Variants in CRLF3 observed in about 807,000 individuals in gnomAD.
CRLF3 encodes cytokine receptor-like factor 3.
A neutral mutation model predicts 55.0 loss-of-function variants in CRLF3; 33 were observed. The ratio of observed to expected loss-of-function variants is 0.60; its 90% CI spans 0.46 to 0.80. The LOEUF (loss-of-function observed/expected upper bound fraction) is 0.80. Ranked by LOEUF, CRLF3 falls within the 30% of genes least tolerant of loss-of-function variation. CRLF3 has a pLI of 0.00. For synonymous variants in CRLF3, 238 were observed against 196.8 expected (o/e 1.21, Z -1.75); for missense variants, 494 against 538.4 (o/e 0.92, Z 0.82).
chr17:30,789,700 A>C (rs1038079138), intron 6 of CRLF3, among the ~76,000 whole-genome samples: 2 of 152,208 alleles, frequency 1.3e-5, no homozygotes, highest in South Asian at 4.1e-4. Context: ...TTACCATGAA[A>C]ATCAAATGAG....
At chr17:30,794,378 A>G (rs1197978676) in intron 4 of CRLF3, among the ~76,000 whole-genome samples, 2 of 152,158 alleles carry the variant, frequency 1.3e-5, no homozygotes, top group Non-Finnish European at 2.9e-5. Context: ...TAGCCACCCA[A>G]TAGAAAAATG....
In CRLF3 at chr17:30,783,170, C is replaced by T. The variant is rs991192735; in HGVS notation, c.*1017G>A. The T allele has an allele frequency of 6.6e-6, 1 of 152,176 alleles. No individual in the cohort carries two copies. Among genetic ancestry groups the T allele is most frequent in the Non-Finnish European group, 1.5e-5 (1 of 68,042 alleles). 9.4% of individuals were successfully genotyped at this position (152,176 alleles called of 1,614,324 possible). On this transcript the variant is annotated 3_prime_UTR_variant, in exon 8 of 8. Transcript: ENST00000324238. ...AGATTGGATACACACGTGCATATTA[C>T]ATACATATGAAATGGCTAACACTGC...
intron 1 of CRLF3, among the ~76,000 whole-genome samples, chr17:30,820,987 C>T (rs1325398020): frequency 2.0e-5 from 3 of 151,284 alleles, no homozygotes; most frequent in Non-Finnish European, 4.4e-5. Context: ...CCTAGGAAGT[C>T]GAGGCTGCAG....
In CRLF3 at chr17:30,792,499, T is replaced by C; in HGVS notation, c.900A>G (p.Ser300=). The part of the protein sequence containing the change: ...RNIALRNDSE[S]SGVLYSRAPT... ...GAGCTCTGGAGTAGAGAACACCCGA[T>C]GATTCAGAATCGTTCCGAAGTGCTA... The change falls in exon 6 of 8, where the codon TCA becomes TCG. Residue 300 remains serine (S), a synonymous_variant. Coordinates refer to ENST00000324238, the MANE Select transcript of CRLF3 (RefSeq NM_015986.4). 6.2e-7 allele frequency: 1 copy of C among 1,613,146 alleles called. No individual in the cohort carries two copies. The highest frequency in any genetic ancestry group is 8.5e-7 in the Non-Finnish European group (1 of 1,179,108).
At chr17:30,821,806 G>A (rs2142278102) in intron 1 of CRLF3, among the ~76,000 whole-genome samples, 1 of 152,200 alleles carries the variant, frequency 6.6e-6, no homozygotes, top group Admixed American at 6.6e-5. Context: ...TGGGGGTGAT[G>A]AATATATACT....
intron 2 of CRLF3, among the ~76,000 whole-genome samples, chr17:30,803,333 T>G (rs1342838245): frequency 6.6e-6 from 1 of 152,160 alleles, no homozygotes; most frequent in African/African-American, 2.4e-5. Flanking sequence ...GTTTTATAAC[T>G]AATTATAACT....
intron 6 of CRLF3, chr17:30,787,483 C>T (rs1274527185): frequency 1.3e-5 from 2 of 151,756 alleles, no homozygotes; most frequent in Non-Finnish European, 2.9e-5. Flanking sequence ...TGTACAGATC[C>T]CTATTGCCAG....
intron 2 of CRLF3, among the ~76,000 whole-genome samples, chr17:30,798,302 C>T (rs1217091309): frequency 2.0e-5 from 3 of 151,788 alleles, no homozygotes; most frequent in African/African-American, 4.8e-5. Context: ...CACTTGAATC[C>T]GGGACATGGA....
chr17:30,783,145 A>G lies in CRLF3; in HGVS notation c.*1042T>C, dbSNP rs182831527. The G allele has an allele frequency of 6.6e-6, 1 of 152,328 alleles. No individual in the cohort carries two copies. Among genetic ancestry groups the G allele is most frequent in the African/African-American group, 2.4e-5 (1 of 41,570 alleles). 9.4% of individuals were successfully genotyped at this position (152,328 alleles called of 1,614,324 possible). ...AAAGAGTAAAATGCATGTCACAGGCAGATTGGATACACACGTGCATATTAC... is the reference window on the plus strand; with the variant it reads ...AAAGAGTAAAATGCATGTCACAGGCGGATTGGATACACACGTGCATATTAC... On this transcript the variant is annotated 3_prime_UTR_variant, in exon 8 of 8. Coordinates refer to ENST00000324238, the MANE Select transcript of CRLF3 (RefSeq NM_015986.4).
At chr17:30,803,167 A>C (rs1972032824) in intron 2 of CRLF3, among the ~76,000 whole-genome samples, 1 of 148,398 alleles carries the variant, frequency 6.7e-6, no homozygotes, top group African/African-American at 2.5e-5. Flanking sequence ...CCCTGTGTCA[A>C]AAAAAAAATA....
chr17:30,803,427 C>G (rs1413997059), intron 2 of CRLF3, among the ~76,000 whole-genome samples: 7 of 152,128 alleles, frequency 4.6e-5, no homozygotes, highest in African/African-American at 1.7e-4. Flanking sequence ...TAAGAACATT[C>G]TAAGAACCCC....
chr17:30,808,723 G>A (rs1359047317), intron 1 of CRLF3, among the ~76,000 whole-genome samples: 1 of 151,938 alleles, frequency 6.6e-6, no homozygotes, highest in Non-Finnish European at 1.5e-5. Flanking sequence ...CCCCCTAGTA[G>A]CTGGGATTAC....
chr17:30,789,053 A>G (rs975356969), intron 6 of CRLF3, among the ~76,000 whole-genome samples: 1 of 152,084 alleles, frequency 6.6e-6, no homozygotes, highest in Non-Finnish European at 1.5e-5. Flanking sequence ...TTGCATTCAC[A>G]TCTCTGGCTT....
Position 30,805,845 on chromosome 17 carries a change from A to C in CRLF3, c.130-1737T>G, listed in dbSNP as rs118070708. Reference sequence around the variant, plus strand: ...TGAAACCAGCTTGGATAACATGGAGAAATCCTGTCTTTACAAATAATACAA... The same window carrying C: ...TGAAACCAGCTTGGATAACATGGAGCAATCCTGTCTTTACAAATAATACAA... On this transcript the variant is annotated intron_variant, in intron 1 of 7. Transcript: ENST00000324238. Among the ~76,000 whole-genome samples, 1,163 of 152,118 alleles carry C rather than the reference A, an allele frequency of 7.6e-3. 8 individuals carry two copies. Among genetic ancestry groups the C allele is most frequent in the Non-Finnish European group, 0.012 (814 of 67,988 alleles).
chr17:30,795,001 C>T (rs1490801626), intron 4 of CRLF3, among the ~76,000 whole-genome samples: 1 of 151,870 alleles, frequency 6.6e-6, no homozygotes, highest in Non-Finnish European at 1.5e-5. Flanking sequence ...TAATTTTACA[C>T]CTAGGTAAAT....
At chr17:30,792,358 G>A (rs2142250119) in intron 6 of CRLF3, 82 bp downstream of exon 6, 1 of 1,299,342 alleles carries the variant, frequency 7.7e-7, no homozygotes, top group East Asian at 2.3e-5. Context: ...AACTCAGGAT[G>A]TTTTGAATTC....
At chr17:30,816,733 C>T (rs1904818487) in intron 1 of CRLF3, among the ~76,000 whole-genome samples, 2 of 152,064 alleles carry the variant, frequency 1.3e-5, no homozygotes, top group East Asian at 1.9e-4. Flanking sequence ...TCGAGATCTT[C>T]CCGTCTTGGC....
At chr17:30,808,621 C>A (rs1333589172) in intron 1 of CRLF3, among the ~76,000 whole-genome samples, 1 of 146,340 alleles carries the variant, frequency 6.8e-6, no homozygotes, top group Non-Finnish European at 1.5e-5. Flanking sequence ...TTTTTTGAGT[C>A]TTGCTCTGTC....
intron 1 of CRLF3, among the ~76,000 whole-genome samples, chr17:30,820,297 C>A (rs1001945569): frequency 7.2e-5 from 11 of 152,204 alleles, no homozygotes; most frequent in Non-Finnish European, 1.3e-4. Context: ...AACTTAAAAA[C>A]ATTTTTATTC....
Sources: allele counts gnomAD v4.1 joint callset (sites outside exome capture counted in the v4.1 genomes callset), GRCh38; gene constraint gnomAD v4.1.1; transcripts MANE v1.5; gene names NCBI Gene and HGNC (gene_info 2026-07-23, HGNC 2026-07-21).